GATM: variants seen among roughly 807,000 people sequenced by gnomAD.
GATM encodes the protein glycine amidinotransferase.
In GATM, 23 loss-of-function variants were observed where a neutral mutation model predicts 54.2. The ratio of observed to expected loss-of-function variants is 0.42; its 90% CI spans 0.31 to 0.60. The LOEUF (loss-of-function observed/expected upper bound fraction) is 0.60. Among genes scored for constraint, GATM ranks in the 20% least tolerant of loss-of-function variants. GATM has a pLI of 0.14. For missense variants in GATM, 401 were observed against 544.9 expected (o/e 0.74, Z 2.63); for synonymous variants, 168 against 183.1 (o/e 0.92, Z 0.67).
Position 45,368,370 on chromosome 15 carries a change from G to T in GATM, c.485-110C>A. ...CTCATGCCTGTAATCCCACCACTTT[G>T]GGAGGCCAAGACGGGCGGATCACTT... On this transcript the variant is annotated intron_variant, in intron 3 of 8. Coordinates refer to ENST00000396659, the MANE Select transcript of GATM (RefSeq NM_001482.3). This position sits in a 1 kb window ranked among gnomAD's most constrained non-coding sequence, Gnocchi z 5.1. The T allele has an allele frequency of 1.1e-6, 1 of 905,320 alleles. No homozygotes were observed. The highest frequency in any genetic ancestry group is 2.6e-5 in the East Asian group (1 of 38,900). 56.1% of individuals were successfully genotyped at this position (905,320 alleles called of 1,614,324 possible).
intron 3 of GATM, among the ~76,000 whole-genome samples, chr15:45,383,657 T>C (rs909816528): frequency 1.3e-5 from 2 of 151,952 alleles, no homozygotes; most frequent in Non-Finnish European, 2.9e-5. Context: ...TGCAGTGGCA[T>C]GATCTCAGCT....
At chr15:45,384,477 G>C (rs913529465) in intron 3 of GATM, among the ~76,000 whole-genome samples, 1 of 152,258 alleles carries the variant, frequency 6.6e-6, no homozygotes, top group East Asian at 1.9e-4. Flanking sequence ...GGCAAGAGAA[G>C]GTATTTTAGC....
chr15:45,392,237 A>G (rs554559097), intron 3 of GATM, among the ~76,000 whole-genome samples: 1 of 152,358 alleles, frequency 6.6e-6, no homozygotes, highest in African/African-American at 2.4e-5. Flanking sequence ...GGTGACAGAA[A>G]GGAAGAAAAA....
At chr15:45,374,579 A>C (rs1889596230) in intron 2 of GATM, among the ~76,000 whole-genome samples, 1 of 152,228 alleles carries the variant, frequency 6.6e-6, no homozygotes, top group Non-Finnish European at 1.5e-5. Context: ...AGAAGTTATT[A>C]CTTTTTCTAT....
intron 1 of GATM, chr15:45,399,670 A>C (rs1310097666): frequency 1.3e-5 from 2 of 152,262 alleles, no homozygotes; most frequent in East Asian, 3.8e-4. Flanking sequence ...TGAACAGACT[A>C]AGCCAGATAA....
chr15:45,378,421 G>A lies in GATM; in HGVS notation c.33C>T (p.Ser11=). The A allele has an allele frequency of 6.7e-7, 1 of 1,503,736 alleles. No individual in the cohort carries two copies. The highest frequency in any genetic ancestry group is 8.8e-7 in the Non-Finnish European group (1 of 1,133,354). The allele number at this position is 1,503,736 out of a possible 1,614,324, so 93.1% of individuals were successfully genotyped here. A position where few individuals can be genotyped will look rare whatever the true frequency, so the allele number is the denominator to read the frequency against. Residue 11 remains serine, a synonymous_variant, in exon 1 of 9, where the codon AGC becomes AGT. Coordinates refer to ENST00000396659, the MANE Select transcript of GATM (RefSeq NM_001482.3). MLRVRCLRGG[S]RGAEAVHYIG... Reference sequence around the variant, plus strand: ...TGTAGTGCACCGCCTCGGCGCCGCGGCTCCCGCCGCGCAGACACCGCACCC... The same window carrying A: ...TGTAGTGCACCGCCTCGGCGCCGCGACTCCCGCCGCGCAGACACCGCACCC...
At chr15:45,382,104 G>A (rs1889748483), upstream of GATM, among the ~76,000 whole-genome samples, 2 of 152,340 alleles carry the variant, frequency 1.3e-5, no homozygotes, top group Admixed American at 6.5e-5. Flanking sequence ...AAGGAAGCCT[G>A]AGTGGCCAAC....
At chr15:45,364,138 C>A (rs1031257475) in intron 7 of GATM, 122 bp from the exon 8 acceptor site, 16 of 738,166 alleles carry the variant, frequency 2.2e-5, no homozygotes, top group Middle Eastern at 2.4e-4. Flanking sequence ...TCCATGTGAA[C>A]ATTTATTTTA....
chr15:45,361,727 C>A lies in GATM; in HGVS notation c.*382G>T. 4.2e-6 allele frequency: 2 copies of A among 472,154 alleles called. No homozygotes were observed. Among genetic ancestry groups the A allele is most frequent in the Non-Finnish European group, 7.4e-6 (2 of 270,538 alleles). 29.2% of individuals were successfully genotyped at this position (472,154 alleles called of 1,614,324 possible). ...CATTTAGAGAAAAACATTCTCAAGT[C>A]TATAGAAGAGGAAAAAAAATTAAGA... On this transcript the variant is annotated 3_prime_UTR_variant, in exon 9 of 9. Coordinates refer to ENST00000396659, the MANE Select transcript of GATM (RefSeq NM_001482.3).
intron 3 of GATM, among the ~76,000 whole-genome samples, chr15:45,383,777 C>T (rs1889773268): frequency 6.6e-6 from 1 of 152,132 alleles, no homozygotes; most frequent in Admixed American, 6.5e-5. Context: ...CTCCTGACCT[C>T]ACAATCTGCC....
chr15:45,402,149 C>G (rs573102364), exon 1 of GATM: 1 of 486,806 alleles, frequency 2.1e-6, no homozygotes. Context: ...GTGAAGTGAG[C>G]TTAAGCCGCC....
At chr15:45,374,805 G>C (rs962847178) in intron 2 of GATM, among the ~76,000 whole-genome samples, 2 of 152,194 alleles carry the variant, frequency 1.3e-5, no homozygotes, top group Non-Finnish European at 2.9e-5. Context: ...GTACATGGTA[G>C]GCAATATTTC....
chr15:45,388,227 T>C (rs1444477458), intron 3 of GATM, among the ~76,000 whole-genome samples: 3 of 152,190 alleles, frequency 2.0e-5, no homozygotes, highest in Non-Finnish European at 4.4e-5. Context: ...GTCTGTACTT[T>C]AATATGTTAA....
intron 3 of GATM, among the ~76,000 whole-genome samples, chr15:45,384,392 A>G (rs922532957): frequency 1.3e-5 from 2 of 152,234 alleles, no homozygotes; most frequent in African/African-American, 4.8e-5. Context: ...CTAAAGAGAT[A>G]GAAAGTCCAG....
At chr15:45,365,927 G>T (rs1889441171) in intron 6 of GATM, 119 bp downstream of exon 6, 3 of 905,830 alleles carry the variant, frequency 3.3e-6, no homozygotes, top group East Asian at 2.4e-5. Flanking sequence ...ATAATGTTGA[G>T]TACTGCTGAA....
At position 45,368,868 on chromosome 15, in the gene GATM, A is replaced by G. The variant is rs1351435759; in HGVS notation, c.484+458T>C. On this transcript the variant is annotated intron_variant, in intron 3 of 8. Transcript: ENST00000396659. The surrounding 1 kb of genome is among the most constrained non-coding windows in gnomAD (Gnocchi z 5.1). ...ACCATTTGTAAGCTCCTTTCTTGCT[A>G]TACAGAAACACAGCTCTTAAAGGAC... Among the ~76,000 whole-genome samples, 1 of 152,156 alleles carries G rather than the reference A, an allele frequency of 6.6e-6. No individual in the cohort carries two copies. Among genetic ancestry groups the G allele is most frequent in the Admixed American group, 6.5e-5 (1 of 15,272 alleles).
At chr15:45,402,011 A>C (rs1187516177) in exon 1 of GATM, 1 of 169,216 alleles carries the variant, frequency 5.9e-6, no homozygotes, top group Non-Finnish European at 1.3e-5. Flanking sequence ...ACAAAATAGC[A>C]AAGTCTCTAG....
At chr15:45,400,870 G>A (rs929405068) in intron 1 of GATM, among the ~76,000 whole-genome samples, 1 of 152,114 alleles carries the variant, frequency 6.6e-6, no homozygotes, top group Non-Finnish European at 1.5e-5. Flanking sequence ...AAGCTTCTTG[G>A]AGCTGAATAG....
chr15:45,391,946 CCAT>C (rs1889878038), intron 3 of GATM, among the ~76,000 whole-genome samples: 1 of 152,150 alleles, frequency 6.6e-6, no homozygotes, highest in Non-Finnish European at 1.5e-5. Flanking sequence ...ACACAGTATA[CCAT>C]CATAATAAAG....
Sources: allele counts gnomAD v4.1 joint callset (sites outside exome capture counted in the v4.1 genomes callset), GRCh38; gene constraint gnomAD v4.1.1; non-coding constraint Gnocchi (gnomAD v3.1); transcripts MANE v1.5; gene names NCBI Gene and HGNC (gene_info 2026-07-23, HGNC 2026-07-21).